The following UBAP1 variants were observed in gnomAD, a reference collection of about 807,000 sequenced individuals.
UBAP1 encodes ubiquitin associated protein 1.
UBAP1 carries 5 observed loss-of-function variants against 39.0 expected under a neutral mutation model. That is an observed-to-expected ratio of 0.13 (90% confidence interval 0.07 to 0.27). The LOEUF (loss-of-function observed/expected upper bound fraction) is 0.27, where lower values mean the gene tolerates loss of function less well. Ranked by LOEUF, UBAP1 falls within the 10% of genes least tolerant of loss-of-function variation. UBAP1 has a pLI of 1.00. For missense variants in UBAP1, 490 were observed against 608.1 expected, an observed-to-expected ratio of 0.81 and a Z score of 2.04; for synonymous variants, 211 against 225.1, an observed-to-expected ratio of 0.94 and a Z score of 0.56.
chr9:34,198,587 T>G (rs1018419270), intron 1 of UBAP1, among the ~76,000 whole-genome samples: 1 of 152,172 alleles, frequency 6.6e-6, no homozygotes, highest in African/African-American at 2.4e-5. Flanking sequence ...GTGGTTGGGC[T>G]CTCTGGTTGG....
At chr9:34,185,706 C>T (rs757757485) in intron 1 of UBAP1, among the ~76,000 whole-genome samples, 6 of 151,646 alleles carry the variant, frequency 4.0e-5, no homozygotes, top group South Asian at 2.1e-4. Flanking sequence ...ATTAGCTGGG[C>T]GTGGTGGCAG....
intron 1 of UBAP1, among the ~76,000 whole-genome samples, chr9:34,192,697 C>T (rs1001409993): frequency 6.6e-6 from 1 of 152,030 alleles, no homozygotes; most frequent in African/African-American, 2.4e-5. Flanking sequence ...ACCTTGGCTT[C>T]CCAAAGTGCT....
intron 1 of UBAP1, among the ~76,000 whole-genome samples, chr9:34,219,713 CTCCCT>C (rs1442809216): frequency 8.7e-5 from 8 of 91,674 alleles, no homozygotes; most frequent in Non-Finnish European, 1.4e-4. Flanking sequence ...CTCCTCTCCC[CTCCCT>C]TCCCCTCCCC....
chr9:34,217,123 A>T (rs1832368638), intron 1 of UBAP1, among the ~76,000 whole-genome samples: 1 of 152,068 alleles, frequency 6.6e-6, no homozygotes, highest in South Asian at 2.1e-4. Flanking sequence ...AATATTCCAC[A>T]TCTGTGATTC....
At chr9:34,213,423 A>T (rs1563901456) in intron 1 of UBAP1, among the ~76,000 whole-genome samples, 1 of 152,160 alleles carries the variant, frequency 6.6e-6, no homozygotes, top group East Asian at 1.9e-4. Context: ...AGACAGGAGA[A>T]TCGCTTGAAC....
At chr9:34,185,949 CAG>C (rs1830386301) in intron 1 of UBAP1, among the ~76,000 whole-genome samples, 1 of 152,192 alleles carries the variant, frequency 6.6e-6, no homozygotes, top group Non-Finnish European at 1.5e-5. Context: ...AACAGGATCA[CAG>C]AGGTTGTGTA....
intron 1 of UBAP1, among the ~76,000 whole-genome samples, chr9:34,189,137 A>G (rs1169675119): frequency 6.6e-6 from 1 of 151,672 alleles, no homozygotes; most frequent in African/African-American, 2.4e-5. Context: ...TTTCATGGGG[A>G]AGGATATGGG....
intron 1 of UBAP1, 138 bp from the exon 2 acceptor site, chr9:34,220,770 T>A: frequency 1.5e-6 from 1 of 657,258 alleles, no homozygotes; most frequent in Non-Finnish European, 2.6e-6. Flanking sequence ...GATCTTTTTT[T>A]TGGACTTTGG....
chr9:34,208,401 G>A (rs1204667477), intron 1 of UBAP1, among the ~76,000 whole-genome samples: 1 of 152,170 alleles, frequency 6.6e-6, no homozygotes, highest in East Asian at 1.9e-4. Flanking sequence ...CCAGCACTTT[G>A]GGAGGCCGAG....
intron 1 of UBAP1, among the ~76,000 whole-genome samples, chr9:34,196,110 G>T (rs983801858): frequency 2.6e-5 from 4 of 151,210 alleles, no homozygotes; most frequent in African/African-American, 7.3e-5. Flanking sequence ...AGCTTGCCAA[G>T]TTTCTATAAA....
intron 2 of UBAP1, among the ~76,000 whole-genome samples, chr9:34,227,250 G>A (rs1367077989): frequency 6.6e-6 from 1 of 152,000 alleles, no homozygotes; most frequent in Non-Finnish European, 1.5e-5. Context: ...GTATATTTAT[G>A]ATTTTGCCAG....
At chr9:34,212,221 A>G (rs1382962290) in intron 1 of UBAP1, among the ~76,000 whole-genome samples, 1 of 152,112 alleles carries the variant, frequency 6.6e-6, no homozygotes, top group African/African-American at 2.4e-5. Context: ...TTTTTTACAT[A>G]AGGCAATTTA....
chr9:34,212,842 A>G (rs1277816345), intron 1 of UBAP1, among the ~76,000 whole-genome samples: 1 of 152,224 alleles, frequency 6.6e-6, no homozygotes, highest in Admixed American at 6.5e-5. Context: ...AACCATGCCT[A>G]ATTCATTGTA....
chr9:34,215,172 T>C (rs1321450234), intron 1 of UBAP1, among the ~76,000 whole-genome samples: 1 of 152,086 alleles, frequency 6.6e-6, no homozygotes, highest in African/African-American at 2.4e-5. Flanking sequence ...TGCTTGCACA[T>C]GTATGTTTAT....
chr9:34,233,622 T>G (rs1833542141), intron 2 of UBAP1, among the ~76,000 whole-genome samples: 1 of 152,178 alleles, frequency 6.6e-6, no homozygotes, highest in East Asian at 1.9e-4. Context: ...GCCCTATATT[T>G]CTTTGGGAAA....
At position 34,252,302 on chromosome 9, in the gene UBAP1, CCT is replaced by C. The variant is rs905071942; in HGVS notation, c.*773_*774del. 1.3e-5 allele frequency: 2 copies of C among 152,624 alleles called. No individual in the cohort carries two copies. The highest frequency in any genetic ancestry group is 4.8e-5 in the African/African-American group (2 of 41,450). 9.5% of individuals were successfully genotyped at this position (152,624 alleles called of 1,614,324 possible). ...ATTTAGTTGGCCAGCACTAACTCCA[CCT>C]CTGTTCTCCTTGAACAGCTTCCCCT... is the stretch of plus-strand genomic sequence containing the variant. On this transcript the variant is annotated 3_prime_UTR_variant, in exon 7 of 7. Transcript: ENST00000297661.
chr9:34,189,874 G>A (rs1306399229), intron 1 of UBAP1, among the ~76,000 whole-genome samples: 2 of 151,952 alleles, frequency 1.3e-5, no homozygotes, highest in African/African-American at 4.8e-5. Flanking sequence ...GACCTCAGGT[G>A]ATCTACCCGC....
chr9:34,182,681 T>TCTCTCTCTC (rs1554645042), intron 1 of UBAP1, among the ~76,000 whole-genome samples: 49 of 115,598 alleles, frequency 4.2e-4, no homozygotes, highest in South Asian at 3.1e-3. Flanking sequence ...CTTTCTTTCT[T>TCTCTCTCTC]TCTCTCTCTC....
intron 1 of UBAP1, 52 bp from the exon 2 acceptor site, chr9:34,220,856 C>T (rs1832717763): frequency 4.6e-6 from 7 of 1,534,704 alleles, no homozygotes; most frequent in Middle Eastern, 1.7e-4. Context: ...CAATTTTCTT[C>T]GTACTACCTT....
Sources: gnomAD v4.1 joint callset for allele counts (sites outside exome capture counted in the v4.1 genomes callset) on GRCh38, gnomAD v4.1.1 for gene constraint, MANE v1.5 for transcripts, NCBI Gene and HGNC (gene_info 2026-07-23, HGNC 2026-07-21) for gene names.